ADK: variants seen among roughly 807,000 people sequenced by gnomAD.
The protein encoded by ADK is adenosine kinase.
A neutral mutation model predicts 44.7 loss-of-function variants in ADK; 24 were observed. The observed-to-expected ratio is 0.54, with a 90% CI of 0.39 to 0.76. ADK has a LOEUF of 0.76. Ranked by LOEUF, ADK falls within the 30% of genes least tolerant of loss-of-function variation. ADK has a pLI of 0.00. For missense variants in ADK, 321 were observed against 425.1 expected (o/e 0.76, Z 2.15); for synonymous variants, 128 against 142.6 (o/e 0.90, Z 0.73).
rs183165638 is a variant in ADK at position 74,522,950 on chromosome 10, T to C, written c.556-2306T>C. 8.5e-5 allele frequency among the ~76,000 whole-genome samples: 13 copies of C among 152,240 alleles called. No individual in the cohort carries two copies. The East Asian group carries it at 2.3e-3, about 27-fold the overall frequency. ...CTGCCCTTAAAAGCAAATCTCTTCT[T>C]TCCTCCCTTCCCTGCCCACCCTTCC... On this transcript the variant is annotated intron_variant, in intron 6 of 10. Transcript: ENST00000539909.
chr10:74,168,879 G>A (rs924817961), intron 1 of ADK, among the ~76,000 whole-genome samples: 1 of 152,004 alleles, frequency 6.6e-6, no homozygotes, highest in Non-Finnish European at 1.5e-5. Flanking sequence ...CCAAACTGCT[G>A]TGATTACAGA....
chr10:74,165,488 AT>A (rs929250962), intron 1 of ADK, among the ~76,000 whole-genome samples: 14 of 151,318 alleles, frequency 9.3e-5, no homozygotes, highest in African/African-American at 3.1e-4. Context: ...ATTAAATTTA[AT>A]TTTTTTTAAG....
rs528408864 is a variant in ADK at position 74,406,978 on chromosome 10, C to T, written c.555+8399C>T. Among the ~76,000 whole-genome samples the T allele has an allele frequency of 7.5e-4, 112 of 148,882 alleles. 1 individual carries two copies. The highest frequency in any genetic ancestry group is 2.7e-3 in the African/African-American group (108 of 40,484). ...ACAGGCGTGGGCCACTGTGCCTGGCCTCTTTCTTTTTTTTTTTTTTTTCAG... is the reference window on the plus strand; with the variant it reads ...ACAGGCGTGGGCCACTGTGCCTGGCTTCTTTCTTTTTTTTTTTTTTTTCAG... On this transcript the variant is annotated intron_variant, in intron 6 of 10. Coordinates refer to ENST00000539909, the MANE Select transcript of ADK (RefSeq NM_006721.4).
At chr10:74,154,565 T>C (rs1841699149) in intron 1 of ADK, among the ~76,000 whole-genome samples, 2 of 152,120 alleles carry the variant, frequency 1.3e-5, no homozygotes, top group African/African-American at 4.8e-5. Context: ...CACCGTGCCC[T>C]GCCTTCCCAG....
intron 4 of ADK, chr10:74,371,814 A>G (rs1341203614): frequency 1.6e-6 from 2 of 1,255,778 alleles, no homozygotes; most frequent in Non-Finnish European, 2.3e-6. Context: ...TGCTGCTGCC[A>G]CTGGAGCCAC....
intron 6 of ADK, among the ~76,000 whole-genome samples, chr10:74,451,669 G>T (rs1220439428): frequency 6.6e-6 from 1 of 152,110 alleles, no homozygotes; most frequent in African/African-American, 2.4e-5. Context: ...CTACTAAAGT[G>T]ACTATTTGAG....
intron 3 of ADK, among the ~76,000 whole-genome samples, chr10:74,257,587 TATAG>T (rs1845874938): frequency 6.6e-6 from 1 of 152,210 alleles, no homozygotes; most frequent in South Asian, 2.1e-4. Context: ...ATACATAATC[TATAG>T]ATACTTTAGT....
At chr10:74,678,741 G>A (rs1855496432) in intron 10 of ADK, among the ~76,000 whole-genome samples, 1 of 152,212 alleles carries the variant, frequency 6.6e-6, no homozygotes, top group South Asian at 2.1e-4. Context: ...AGGAAATGTA[G>A]TAAGTAAAAT....
chr10:74,528,949 T>C (rs887786335), intron 7 of ADK, among the ~76,000 whole-genome samples: 1 of 152,150 alleles, frequency 6.6e-6, no homozygotes. Context: ...TAGAAGACAA[T>C]TTGGTGGTTC....
chr10:74,412,461 A>G (rs1054036084), intron 6 of ADK, among the ~76,000 whole-genome samples: 4 of 152,178 alleles, frequency 2.6e-5, no homozygotes, highest in African/African-American at 9.7e-5. Flanking sequence ...CTTAATGACA[A>G]CTGGAATGAT....
At chr10:74,540,279 A>G (rs1433516795) in intron 7 of ADK, among the ~76,000 whole-genome samples, 1 of 152,188 alleles carries the variant, frequency 6.6e-6, no homozygotes, top group Non-Finnish European at 1.5e-5. Flanking sequence ...CTACGGAGAT[A>G]ATCATATTTT....
chr10:74,685,953 TTTTG>T (rs1452480534), intron 10 of ADK, among the ~76,000 whole-genome samples: 13 of 152,030 alleles, frequency 8.6e-5, no homozygotes, highest in African/African-American at 2.4e-4. Context: ...ATGTGGGGTT[TTTTG>T]TTTGTTTGTT....
intron 1 of ADK, among the ~76,000 whole-genome samples, chr10:74,161,959 C>T (rs1414760014): frequency 6.6e-6 from 1 of 152,182 alleles, no homozygotes; most frequent in Non-Finnish European, 1.5e-5. Context: ...CCTGCCTCGG[C>T]CTCCTAAAGT....
intron 1 of ADK, among the ~76,000 whole-genome samples, chr10:74,157,425 ATAGG>A (rs1221785892): frequency 1.3e-5 from 2 of 152,210 alleles, no homozygotes; most frequent in Non-Finnish European, 2.9e-5. Context: ...TGAATCAAAA[ATAGG>A]TAGATATGAA....
intron 6 of ADK, among the ~76,000 whole-genome samples, chr10:74,509,146 T>A (rs567668007): frequency 9.2e-5 from 14 of 152,200 alleles, no homozygotes; most frequent in South Asian, 4.1e-4. Context: ...ACTGCTTTTT[T>A]AAAAATAATT....
chr10:74,302,173 G>A (rs1282680644), intron 3 of ADK, among the ~76,000 whole-genome samples: 1 of 126,476 alleles, frequency 7.9e-6, no homozygotes, highest in Non-Finnish European at 1.6e-5. Flanking sequence ...CTGTCGACCA[G>A]GCTGGGGTGC....
intron 7 of ADK, among the ~76,000 whole-genome samples, chr10:74,555,611 G>GAA (rs146068579): frequency 1.7e-5 from 2 of 115,394 alleles, no homozygotes; most frequent in African/African-American, 3.1e-5. Context: ...ACCTTGTCTC[G>GAA]AAAAAAAAAA....
chr10:74,171,215 A>G (rs1269315088), intron 1 of ADK, among the ~76,000 whole-genome samples: 1 of 152,246 alleles, frequency 6.6e-6, no homozygotes, highest in African/African-American at 2.4e-5. Context: ...GCTGAAATGA[A>G]TAACTGGGTA....
intron 4 of ADK, among the ~76,000 whole-genome samples, chr10:74,377,457 G>A (rs931429252): frequency 1.3e-5 from 2 of 152,190 alleles, no homozygotes; most frequent in African/African-American, 4.8e-5. Flanking sequence ...AACATAACAT[G>A]TTACATATGT....
Sources: allele counts gnomAD v4.1 joint callset (sites outside exome capture counted in the v4.1 genomes callset), GRCh38; gene constraint gnomAD v4.1.1; transcripts MANE v1.5; gene names NCBI Gene and HGNC (gene_info 2026-07-23, HGNC 2026-07-21).